The following CLDN14 variants were observed in gnomAD, a reference collection of about 807,000 sequenced individuals.
CLDN14 encodes the protein claudin-14.
CLDN14 carries 2 observed loss-of-function variants against 2.1 expected under a neutral mutation model. The observed-to-expected ratio is 0.96, with a 90% confidence interval of 0.39 to 3.01. The LOEUF is 3.01. Among genes scored for constraint, CLDN14 ranks in the 30% most tolerant of loss-of-function variants. The pLI, the probability that CLDN14 is intolerant of heterozygous loss-of-function variation, is 0.09. For synonymous variants in CLDN14, 136 were observed against 154.4 expected, an observed-to-expected ratio of 0.88 and a Z score of 0.88; for missense variants, 298 against 328.0, an observed-to-expected ratio of 0.91 and a Z score of 0.71.
chr21:36,566,410 C>A lies in CLDN14; in HGVS notation c.-220+10001G>T, dbSNP rs1268210162. ...TAGGAGGAGACTTAGTCAAATATCACCCAGCCCTATGAATGCAAATCTCAG... is the reference window on the plus strand; with the variant it reads ...TAGGAGGAGACTTAGTCAAATATCAACCAGCCCTATGAATGCAAATCTCAG... On this transcript the variant is annotated intron_variant, in intron 1 of 2. Coordinates refer to the CLDN14 transcript ENST00000342108. Among the ~76,000 whole-genome samples the A allele has an allele frequency of 2.0e-5, 3 of 152,182 alleles. No individual in the cohort carries two copies. In the South Asian group the frequency reaches 6.2e-4, roughly 31 times the overall value.
intron 1 of CLDN14, chr21:36,466,246 A>G (rs1395035585): frequency 6.6e-6 from 1 of 152,268 alleles, no homozygotes; most frequent in Non-Finnish European, 1.5e-5. Context: ...ACTTTGGCAC[A>G]ATAACTTGGA....
intron 1 of CLDN14, among the ~76,000 whole-genome samples, chr21:36,521,037 G>A (rs1392632523): frequency 6.6e-6 from 1 of 151,930 alleles, no homozygotes; most frequent in Non-Finnish European, 1.5e-5. Context: ...AGTGGCTTGG[G>A]GAAAAGCCAG....
chr21:36,558,585 G>A (rs2087613887), intron 1 of CLDN14, among the ~76,000 whole-genome samples: 1 of 152,120 alleles, frequency 6.6e-6, no homozygotes, highest in Non-Finnish European at 1.5e-5. Context: ...CTACTCTGTA[G>A]GCAGAGCAGC....
At chr21:36,471,997 G>A (rs997557970) in intron 1 of CLDN14, among the ~76,000 whole-genome samples, 35 of 152,246 alleles carry the variant, frequency 2.3e-4, no homozygotes, top group African/African-American at 8.0e-4. Context: ...AACAGTCATA[G>A]TTAAAGTTCC....
rs182736886 is a variant in CLDN14 at position 36,474,333 on chromosome 21, G to A, written c.-82+5162C>T. ...TGATATTTTGCATCGCATTACAGGC[G>A]TTGCAGATACCTGCAAAGGACATTT... On this transcript the variant is annotated intron_variant, in intron 1 of 1. Transcript: ENST00000399135. Among the ~76,000 whole-genome samples the A allele has an allele frequency of 5.3e-5, 8 of 152,294 alleles. No homozygotes were observed. The East Asian group carries it at 5.8e-4, about 11-fold the overall frequency.
At chr21:36,514,622 AGTGTGTGT>A (rs34558148) in intron 1 of CLDN14, among the ~76,000 whole-genome samples, 8 of 33,726 alleles carry the variant, frequency 2.4e-4, no homozygotes, top group East Asian at 6.7e-4. Flanking sequence ...CGTGAGAGAA[AGTGTGTGT>A]GTGTGTGTGT....
At chr21:36,468,747 T>TTTTC (rs749433177) in intron 1 of CLDN14, among the ~76,000 whole-genome samples, 2,774 of 150,754 alleles carry the variant, frequency 0.018, 86 homozygotes, top group African/African-American at 0.06. Context: ...ACTTTTTTCT[T>TTTTC]TTTCTTTCTT....
At chr21:36,564,334 C>T (rs1201132647) in intron 1 of CLDN14, among the ~76,000 whole-genome samples, 2 of 152,216 alleles carry the variant, frequency 1.3e-5, no homozygotes, top group Non-Finnish European at 2.9e-5. Context: ...TACCAGCTAT[C>T]GCTAAGCCAA....
chr21:36,478,899 T>C (rs1339619674), intron 1 of CLDN14, among the ~76,000 whole-genome samples: 1 of 152,150 alleles, frequency 6.6e-6, no homozygotes, highest in Non-Finnish European at 1.5e-5. Flanking sequence ...AAGGATTAAC[T>C]CACGTCTCAA....
At chr21:36,564,803 A>G (rs1211773808) in intron 1 of CLDN14, among the ~76,000 whole-genome samples, 1 of 152,204 alleles carries the variant, frequency 6.6e-6, no homozygotes, top group Non-Finnish European at 1.5e-5. Context: ...TTAAATGTGA[A>G]GGAGAGAGGC....
intron 1 of CLDN14, among the ~76,000 whole-genome samples, chr21:36,462,389 G>A (rs906012132): frequency 3.9e-5 from 6 of 152,068 alleles, no homozygotes; most frequent in African/African-American, 1.4e-4. Context: ...GCAGGAGCAC[G>A]GGCCAGCATC....
intron 2 of CLDN14, among the ~76,000 whole-genome samples, chr21:36,500,957 A>G (rs2087086876): frequency 6.6e-6 from 1 of 152,244 alleles, no homozygotes; most frequent in South Asian, 2.1e-4. Context: ...GTATGATTAG[A>G]TCGCATTTAA....
At chr21:36,553,037 C>A (rs908014556) in intron 1 of CLDN14, among the ~76,000 whole-genome samples, 1 of 152,202 alleles carries the variant, frequency 6.6e-6, no homozygotes, top group Non-Finnish European at 1.5e-5. Flanking sequence ...CTGACGCACA[C>A]CAAATCCCTT....
In CLDN14 at chr21:36,461,098, C is replaced by T. The variant is rs868099551; in HGVS notation, c.598G>A (p.Ala200Thr). The T allele has an allele frequency of 2.5e-6, 4 of 1,614,022 alleles. No individual in the cohort carries two copies. Among genetic ancestry groups the T allele is most frequent in the African/African-American group, 2.7e-5 (2 of 74,930 alleles). The change falls in exon 2 of 2, where the codon GCC becomes ACC. Residue 200 changes from alanine to threonine, a missense_variant. Ala to Thr is a moderately conservative substitution (Grantham distance 58, BLOSUM62 0). Transcript: ENST00000399135. ...GCGGTGTTTGCAGTGGTCGTGGTGG[C>T]CCTGGGCGGGGCCTGGTAGGGCCTG... ...PYRPYQAPPR[A>T]TTTTANTAPA...
At chr21:36,523,872 T>C (rs1278841136) in intron 1 of CLDN14, among the ~76,000 whole-genome samples, 2 of 149,184 alleles carry the variant, frequency 1.3e-5, no homozygotes, top group Non-Finnish European at 3.0e-5. Flanking sequence ...TAATAACAGG[T>C]GGGAAGGGAC....
At chr21:36,497,702 C>A (rs1161977549) in intron 2 of CLDN14, among the ~76,000 whole-genome samples, 2 of 152,138 alleles carry the variant, frequency 1.3e-5, no homozygotes, top group African/African-American at 4.8e-5. Context: ...GACACCTTTC[C>A]CGTCCACAGA....
At chr21:36,566,854 G>A (rs1209238975) in intron 1 of CLDN14, among the ~76,000 whole-genome samples, 1 of 152,194 alleles carries the variant, frequency 6.6e-6, no homozygotes, top group African/African-American at 2.4e-5. Flanking sequence ...CTGGGTTCAG[G>A]ACCATAAATC....
chr21:36,565,003 G>T (rs1234728948), intron 1 of CLDN14, among the ~76,000 whole-genome samples: 1 of 152,216 alleles, frequency 6.6e-6, no homozygotes, highest in Non-Finnish European at 1.5e-5. Context: ...TCACAACCCA[G>T]TGAGCCTCAT....
At chr21:36,564,860 T>G (rs2087661417) in intron 1 of CLDN14, among the ~76,000 whole-genome samples, 1 of 152,162 alleles carries the variant, frequency 6.6e-6, no homozygotes, top group African/African-American at 2.4e-5. Context: ...CTTGACCACC[T>G]GTTGCTCACT....
Sources: gnomAD v4.1 joint callset for allele counts (sites outside exome capture counted in the v4.1 genomes callset) on GRCh38, gnomAD v4.1.1 for gene constraint, MANE v1.5 for transcripts, NCBI Gene and HGNC (gene_info 2026-07-23, HGNC 2026-07-21) for gene names.